Variants in HPSE observed in about 807,000 individuals in gnomAD.
The protein encoded by HPSE is heparanase, also known as endo-glucoronidase.
In HPSE, 48 loss-of-function variants were observed where a neutral mutation model predicts 65.1. That is an observed-to-expected ratio of 0.74 (90% CI 0.58 to 0.94). The LOEUF (loss-of-function observed/expected upper bound fraction) is 0.94. Ranked by LOEUF, HPSE falls within the 40% of genes least tolerant of loss-of-function variation. The pLI is 0.00. For synonymous variants in HPSE, 243 were observed against 260.0 expected (o/e 0.93, Z 0.63); for missense variants, 644 against 637.5 (o/e 1.01, Z -0.11).
chr4:83,316,918 T>C (rs1035402896), intron 3 of HPSE, among the ~76,000 whole-genome samples: 2 of 152,222 alleles, frequency 1.3e-5, no homozygotes, highest in African/African-American at 4.8e-5. Flanking sequence ...TTTGTTTTTT[T>C]GAGACAGAGT....
At chr4:83,331,642 G>A (rs575018063) in intron 1 of HPSE, among the ~76,000 whole-genome samples, 17 of 152,298 alleles carry the variant, frequency 1.1e-4, no homozygotes, top group African/African-American at 4.1e-4. Flanking sequence ...TGGTATTTAA[G>A]TTTTGTGTGG....
chr4:83,310,902 C>T lies in HPSE; in HGVS notation c.674-12G>A. The stretch of plus-strand genomic sequence containing the variant: ...GAAACTGTTAGGTTCTGAAAGACAG[C>T]AATTCTCAAAATATATATCGAGAAA... On this transcript the variant is annotated splice_polypyrimidine_tract_variant and intron_variant, in intron 4 of 11. Coordinates refer to ENST00000311412, the MANE Select transcript of HPSE (RefSeq NM_001098540.3). 6.3e-7 allele frequency: 1 copy of T among 1,594,300 alleles called. No homozygotes were observed. Among genetic ancestry groups the T allele is most frequent in the Non-Finnish European group, 8.6e-7 (1 of 1,166,062 alleles).
At chr4:83,307,415 G>A (rs892735576) in intron 8 of HPSE, among the ~76,000 whole-genome samples, 1 of 152,146 alleles carries the variant, frequency 6.6e-6, no homozygotes, top group South Asian at 2.1e-4. Flanking sequence ...GCATGCAGCA[G>A]CAGCAGCAGC....
chr4:83,328,144 C>T (rs190480007), intron 1 of HPSE, among the ~76,000 whole-genome samples: 3 of 152,318 alleles, frequency 2.0e-5, no homozygotes, highest in Admixed American at 1.3e-4. Flanking sequence ...GGGCTGCAGT[C>T]GCAGAGTACT....
At chr4:83,305,954 C>G (rs1286254876) in intron 9 of HPSE, among the ~76,000 whole-genome samples, 1 of 152,168 alleles carries the variant, frequency 6.6e-6, no homozygotes, top group African/African-American at 2.4e-5. Flanking sequence ...AAATTATCCC[C>G]TTTTAAACAA....
Position 83,295,430 on chromosome 4 carries a change from G to A in HPSE, c.1546C>T (p.Leu516Phe). 4 of 1,613,608 alleles carry A rather than the reference G, an allele frequency of 2.5e-6. No individual in the cohort carries two copies. Among genetic ancestry groups the A allele is most frequent in the Non-Finnish European group, 3.4e-6 (4 of 1,179,662 alleles). ...QTLPPLMEKPLRPGSSLGLPA... is the reference protein window; with the variant it reads ...QTLPPLMEKPFRPGSSLGLPA... ...AAGCCCAGTGAACTTCCTGGCCGGA[G>A]AGGTTTTTCCATTAAAGGTGGCAAG... The change falls in exon 12 of 12, where the codon CTC becomes TTC. Residue 516 changes from leucine (L) to phenylalanine (F), a missense_variant. Leu to Phe is a conservative substitution (Grantham distance 22). Coordinates refer to ENST00000311412, the MANE Select transcript of HPSE (RefSeq NM_001098540.3).
intron 1 of HPSE, among the ~76,000 whole-genome samples, chr4:83,332,438 C>T (rs905090996): frequency 3.3e-5 from 5 of 152,212 alleles, no homozygotes; most frequent in Non-Finnish European, 5.9e-5. Context: ...CCTCTCCAAG[C>T]GAAGCGGGCT....
At chr4:83,309,047 TC>T in intron 7 of HPSE, 96 bp from the exon 8 acceptor site, 1 of 883,242 alleles carries the variant, frequency 1.1e-6, no homozygotes, top group Non-Finnish European at 1.8e-6. Context: ...AACTTTGTAT[TC>T]CTAGACCCAC....
chr4:83,306,011 A>G (rs1736134599), intron 9 of HPSE, among the ~76,000 whole-genome samples, 192 bp downstream of exon 9: 1 of 152,184 alleles, frequency 6.6e-6, no homozygotes, highest in African/African-American at 2.4e-5. Context: ...AGTTATTCCT[A>G]GCTCTTGATT....
At chr4:83,312,987 A>G in intron 4 of HPSE, 127 bp downstream of exon 4, 1 of 565,926 alleles carries the variant, frequency 1.8e-6, no homozygotes, top group Non-Finnish European at 2.8e-6. Context: ...GCGCCACTGC[A>G]CTCCAGCCTG....
Position 83,314,281 on chromosome 4 carries a change from C to CA in HPSE, c.500-995dup, listed in dbSNP as rs1578016191. 4.6e-3 allele frequency among the ~76,000 whole-genome samples: 264 copies of CA among 57,650 alleles called. 1 individual carries two copies. Among genetic ancestry groups the CA allele is most frequent in the African/African-American group, 0.012 (169 of 14,120 alleles). The allele number at this position is 57,650 out of a possible 152,430, so 37.8% of individuals were successfully genotyped here. A position where few individuals can be genotyped will look rare whatever the true frequency, so the allele number is the denominator to read the frequency against. Reference sequence around the variant, plus strand: ...TCAAAAAAAAAAACAAAAAAACAAACAAAAAAAAAAGTAAAGAAAAGAAAA... The same window carrying CA: ...TCAAAAAAAAAAACAAAAAAACAAACAAAAAAAAAAAGTAAAGAAAAGAAAA... On this transcript the variant is annotated intron_variant, in intron 3 of 11. Coordinates refer to ENST00000311412, the MANE Select transcript of HPSE (RefSeq NM_001098540.3).
intron 3 of HPSE, among the ~76,000 whole-genome samples, chr4:83,317,158 C>T (rs1736686539): frequency 6.6e-6 from 1 of 152,226 alleles, no homozygotes; most frequent in Non-Finnish European, 1.5e-5. Flanking sequence ...CTCAGCCTCC[C>T]AAAGTGCTGG....
rs1735606174 is a variant in HPSE, at chr4:83,293,091, T to A, written c.*2253A>T. On this transcript the variant is annotated 3_prime_UTR_variant, in exon 12 of 12. Coordinates refer to ENST00000311412, the MANE Select transcript of HPSE (RefSeq NM_001098540.3). The stretch of plus-strand genomic sequence containing the variant: ...TCCTTAAGAGGGGAAAATAATTACA[T>A]TTTTTCACTGGTAAAAAGCGCAGAA... 6.6e-6 allele frequency: 1 copy of A among 152,194 alleles called. No individual in the cohort carries two copies. The highest frequency in any genetic ancestry group is 1.5e-5 in the Non-Finnish European group (1 of 68,032). The allele number at this position is 152,194 out of a possible 1,614,324, so 9.4% of individuals were successfully genotyped here.
At chr4:83,297,227 C>A (rs1433763811) in intron 11 of HPSE, among the ~76,000 whole-genome samples, 1 of 152,114 alleles carries the variant, frequency 6.6e-6, no homozygotes, top group Non-Finnish European at 1.5e-5. Flanking sequence ...TAGGCTAGAC[C>A]ATCTAGGTTT....
intron 3 of HPSE, among the ~76,000 whole-genome samples, chr4:83,317,930 A>G (rs1471033771): frequency 6.6e-6 from 1 of 152,244 alleles, no homozygotes; most frequent in African/African-American, 2.4e-5. Flanking sequence ...ACACTTATTA[A>G]AGTGTCAGAG....
At position 83,293,257 on chromosome 4, in the gene HPSE, G is replaced by A. The variant is rs1735612134; in HGVS notation, c.*2087C>T. On this transcript the variant is annotated 3_prime_UTR_variant, in exon 12 of 12. Transcript: ENST00000311412. ...CCATTTCTGAACAATAAGACATGAGGAGACATGAGGAGAGGTTTGCTGTGA... is the reference window on the plus strand; with the variant it reads ...CCATTTCTGAACAATAAGACATGAGAAGACATGAGGAGAGGTTTGCTGTGA... 1 of 152,182 alleles carries A rather than the reference G, an allele frequency of 6.6e-6. No homozygotes were observed. The highest frequency in any genetic ancestry group is 6.6e-5 in the Admixed American group (1 of 15,266). The allele number at this position is 152,182 out of a possible 1,614,324, so 9.4% of individuals were successfully genotyped here.
chr4:83,317,866 T>C (rs2126192310), intron 3 of HPSE, among the ~76,000 whole-genome samples: 1 of 152,354 alleles, frequency 6.6e-6, no homozygotes, highest in Admixed American at 6.5e-5. Context: ...GTCATTCCTT[T>C]AATGGGATCT....
intron 1 of HPSE, among the ~76,000 whole-genome samples, chr4:83,329,422 A>G (rs1737279023): frequency 6.6e-6 from 1 of 152,206 alleles, no homozygotes; most frequent in Non-Finnish European, 1.5e-5. Flanking sequence ...TATTATTACA[A>G]GAGTGGTTCA....
intron 9 of HPSE, among the ~76,000 whole-genome samples, chr4:83,305,222 G>C (rs1307419972): frequency 2.0e-5 from 3 of 152,162 alleles, no homozygotes; most frequent in Non-Finnish European, 2.9e-5. Flanking sequence ...ATTTGGATGA[G>C]ATAAAAAGGT....
Sources: gnomAD v4.1 joint callset for allele counts (sites outside exome capture counted in the v4.1 genomes callset) on GRCh38, gnomAD v4.1.1 for gene constraint, MANE v1.5 for transcripts, NCBI Gene and HGNC (gene_info 2026-07-23, HGNC 2026-07-21) for gene names.